UBE3D: variants seen among roughly 807,000 people sequenced by gnomAD.
UBE3D encodes E3 ubiquitin-protein ligase E3D.
In UBE3D, 48 loss-of-function variants were observed where a neutral mutation model predicts 49.6. The ratio of observed to expected loss-of-function variants is 0.97; its 90% CI spans 0.77 to 1.23. The LOEUF is 1.23. UBE3D is among the 50% of genes most tolerant of loss of function. The pLI is 0.00. For synonymous variants in UBE3D, 189 were observed against 174.2 expected, an observed-to-expected ratio of 1.08 and a Z score of -0.67; for missense variants, 452 against 468.4, an observed-to-expected ratio of 0.96 and a Z score of 0.32.
chr6:83,054,293 A>C (rs990375859), intron 2 of UBE3D, 55 bp from the exon 3 acceptor site: 24 of 1,343,864 alleles, frequency 1.8e-5, no homozygotes, highest in Admixed American at 1.5e-4. Flanking sequence ...ATATATTAAC[A>C]TACTTAAACA....
intron 8 of UBE3D, among the ~76,000 whole-genome samples, chr6:83,016,386 T>C (rs1447410986): frequency 6.6e-6 from 1 of 152,306 alleles, no homozygotes; most frequent in Non-Finnish European, 1.5e-5. Context: ...CATAACTCTC[T>C]ATACAGTTCA....
chr6:82,884,103 A>T, the UBE3D span, among the ~76,000 whole-genome samples: 1 of 152,354 alleles, frequency 6.6e-6, no homozygotes, highest in South Asian at 2.1e-4. Context: ...AAACATTAAA[A>T]AGAGCAGCTT....
chr6:83,022,983 TC>T (rs1187771474), intron 6 of UBE3D, among the ~76,000 whole-genome samples: 1 of 152,212 alleles, frequency 6.6e-6, no homozygotes, highest in African/African-American at 2.4e-5. Context: ...CCCTAAAGTG[TC>T]AGCTCTGAGG....
In UBE3D at chr6:82,996,311, A is replaced by AAAAT. The variant is rs148895876; in HGVS notation, c.1010+22658_1010+22661dup. On this transcript the variant is annotated intron_variant, in intron 8 of 9. Coordinates refer to ENST00000369747, the MANE Select transcript of UBE3D (RefSeq NM_198920.3). ...CCAAAGCTGGAACAATTTGAGCAAC[A>AAAAT]AAATAAATAAATAAATAAATAAATA... Among the ~76,000 whole-genome samples the AAAAT allele has an allele frequency of 5.4e-3, 810 of 148,668 alleles. 6 individuals are homozygous for AAAAT. Among genetic ancestry groups the AAAAT allele is most frequent in the African/African-American group, 0.012 (488 of 40,294 alleles).
intron 8 of UBE3D, among the ~76,000 whole-genome samples, chr6:82,972,377 C>T (rs1777417076): frequency 6.6e-6 from 1 of 152,178 alleles, no homozygotes; most frequent in African/African-American, 2.4e-5. Context: ...ATTTCTCTGA[C>T]CCATTAGAAG....
At chr6:82,998,258 G>T (rs974019964) in intron 8 of UBE3D, among the ~76,000 whole-genome samples, 2 of 152,146 alleles carry the variant, frequency 1.3e-5, no homozygotes, top group African/African-American at 4.8e-5. Flanking sequence ...CAGCCATCTG[G>T]ATAAAAAGTC....
intron 8 of UBE3D, among the ~76,000 whole-genome samples, chr6:82,968,683 C>T (rs1193215634): frequency 6.6e-6 from 1 of 152,082 alleles, no homozygotes; most frequent in Non-Finnish European, 1.5e-5. Flanking sequence ...TACTCTTTGC[C>T]CCATACTCCT....
rs1346745975 is a variant in UBE3D at position 83,060,978 on chromosome 6, T to C, written c.78-2956A>G. Among the ~76,000 whole-genome samples the C allele has an allele frequency of 4.0e-4, 61 of 152,092 alleles. 1 individual carries two copies. The highest frequency in any genetic ancestry group is 4.0e-3 in the Admixed American group (61 of 15,264). On this transcript the variant is annotated intron_variant, in intron 1 of 9. Transcript: ENST00000369747. ...CTCAGAATACCTCTCCAATTACTGA[T>C]TATGAAGAGAAAAAGAGTAACTTTA...
At chr6:82,904,720 AAGG>A (rs1208423083) in intron 9 of UBE3D, among the ~76,000 whole-genome samples, 1 of 152,170 alleles carries the variant, frequency 6.6e-6, no homozygotes, top group Non-Finnish European at 1.5e-5. Context: ...TTTATTTTTA[AAGG>A]AGAAGCATAA....
chr6:82,938,135 C>T (rs293527), intron 9 of UBE3D: 102,390 of 152,156 alleles, frequency 0.67, 34,953 homozygotes, highest in East Asian at 0.79. Context: ...GTGAATAAAT[C>T]AGGAACAGCT....
At chr6:83,011,317 G>A (rs1285987498) in intron 8 of UBE3D, among the ~76,000 whole-genome samples, 2 of 152,050 alleles carry the variant, frequency 1.3e-5, no homozygotes, top group Non-Finnish European at 2.9e-5. Context: ...TCACCTGGTC[G>A]TAGCTGGTAT....
At chr6:83,028,886 G>A (rs564458898) in intron 5 of UBE3D, among the ~76,000 whole-genome samples, 6 of 152,088 alleles carry the variant, frequency 3.9e-5, no homozygotes, top group Admixed American at 3.9e-4. Flanking sequence ...GCTAGATACA[G>A]TACTGTTGGT....
chr6:82,888,499 C>T (rs1770928969), downstream of UBE3D, among the ~76,000 whole-genome samples: 1 of 151,658 alleles, frequency 6.6e-6, no homozygotes, highest in Non-Finnish European at 1.5e-5. Context: ...AGTAATCAGG[C>T]TTTGTATAAT....
intron 9 of UBE3D, among the ~76,000 whole-genome samples, chr6:82,915,505 G>C (rs1046872436): frequency 5.9e-5 from 9 of 152,298 alleles, no homozygotes; most frequent in African/African-American, 2.2e-4. Flanking sequence ...TTGTATGTTT[G>C]TCTTATTTAG....
intron 1 of UBE3D, among the ~76,000 whole-genome samples, chr6:83,063,471 AATAGTCATATATTC>A (rs1047013266): frequency 6.6e-6 from 1 of 151,858 alleles, no homozygotes; most frequent in African/African-American, 2.4e-5. Context: ...CACAGATAAG[AATAGTCATATATTC>A]ACAAGGCATT....
At chr6:83,044,402 C>T (rs991827292) in intron 4 of UBE3D, 26 bp downstream of exon 4, 1 of 1,601,266 alleles carries the variant, frequency 6.2e-7, no homozygotes, top group Admixed American at 1.7e-5. Flanking sequence ...CTCTAAATTA[C>T]CATTTATTTT....
intron 2 of UBE3D, among the ~76,000 whole-genome samples, chr6:83,055,267 A>G (rs1783744184): frequency 6.6e-6 from 1 of 152,246 alleles, no homozygotes; most frequent in Admixed American, 6.5e-5. Flanking sequence ...AAATATGTCT[A>G]TAAAAATCTA....
At chr6:82,883,361 C>T in the UBE3D span, among the ~76,000 whole-genome samples, 2 of 152,080 alleles carry the variant, frequency 1.3e-5, no homozygotes, top group African/African-American at 2.4e-5. Context: ...ACCCTATTGA[C>T]CCAACTTCTC....
At chr6:83,054,313 C>T in intron 2 of UBE3D, 75 bp from the exon 3 acceptor site, 1 of 1,126,868 alleles carries the variant, frequency 8.9e-7, no homozygotes. Flanking sequence ...AGTTCAATAG[C>T]CACGATAAAT....
Sources: gnomAD v4.1 joint callset for allele counts (sites outside exome capture counted in the v4.1 genomes callset) on GRCh38, gnomAD v4.1.1 for gene constraint, MANE v1.5 for transcripts, NCBI Gene and HGNC (gene_info 2026-07-23, HGNC 2026-07-21) for gene names.